PDE1A: variants seen among roughly 807,000 people sequenced by gnomAD.
The protein encoded by PDE1A is dual specificity calcium/calmodulin-dependent 3',5'-cyclic nucleotide phosphodiesterase 1A.
PDE1A carries 35 observed loss-of-function variants against 61.7 expected under a neutral mutation model. That is an observed-to-expected ratio of 0.57 (90% CI 0.43 to 0.75). PDE1A has a LOEUF of 0.75. Ranked by LOEUF, PDE1A falls within the 30% of genes least tolerant of loss-of-function variation. The pLI, the probability that PDE1A is intolerant of heterozygous loss-of-function variation, is 0.00. For synonymous variants in PDE1A, 232 were observed against 213.2 expected, an observed-to-expected ratio of 1.09 and a Z score of -0.77; for missense variants, 597 against 630.6, an observed-to-expected ratio of 0.95 and a Z score of 0.57.
chr2:182,518,506 T>C (rs533582546), intron 2 of PDE1A, among the ~76,000 whole-genome samples: 159 of 152,302 alleles, frequency 1.0e-3, no homozygotes, highest in African/African-American at 3.6e-3. Context: ...GCATTCACAA[T>C]TCCAAGTCTT....
At chr2:182,290,291 C>T (rs1288020425) in intron 1 of PDE1A, among the ~76,000 whole-genome samples, 2 of 151,938 alleles carry the variant, frequency 1.3e-5, no homozygotes, top group Admixed American at 1.3e-4. Context: ...TGTTTGTATG[C>T]ATCTTCTGGG....
At chr2:182,175,323 C>A (rs941892399) in intron 13 of PDE1A, among the ~76,000 whole-genome samples, 2 of 152,196 alleles carry the variant, frequency 1.3e-5, no homozygotes, top group Non-Finnish European at 2.9e-5. Flanking sequence ...ATTCCTATTT[C>A]TCCACATCCT....
At chr2:182,279,925 T>C (rs1693690165) in intron 1 of PDE1A, among the ~76,000 whole-genome samples, 1 of 151,908 alleles carries the variant, frequency 6.6e-6, no homozygotes, top group Non-Finnish European at 1.5e-5. Flanking sequence ...GGTTTATTGA[T>C]ACTGGATACC....
intron 1 of PDE1A, among the ~76,000 whole-genome samples, chr2:182,282,358 G>A: frequency 6.6e-6 from 1 of 151,862 alleles, no homozygotes; most frequent in Non-Finnish European, 1.5e-5. Context: ...AGTGACCTGG[G>A]TCCTCTGATG....
At chr2:182,692,530 G>T in the PDE1A span, among the ~76,000 whole-genome samples, 1 of 151,762 alleles carries the variant, frequency 6.6e-6, no homozygotes, top group South Asian at 2.1e-4. Context: ...GGGGTGGGGG[G>T]AGTGGGTAGG....
chr2:182,429,047 T>C (rs1449572730), upstream of PDE1A, among the ~76,000 whole-genome samples: 1 of 152,102 alleles, frequency 6.6e-6, no homozygotes, highest in Admixed American at 6.6e-5. Flanking sequence ...CATACTTCAT[T>C]ACCTTAGGTT....
intron 3 of PDE1A, 28 bp downstream of exon 3, chr2:182,240,082 G>C (rs529597971): frequency 6.3e-7 from 1 of 1,597,244 alleles, no homozygotes; most frequent in African/African-American, 1.3e-5. Context: ...AAATGTTACT[G>C]TCTTGAGATA....
chr2:182,296,510 C>T (rs550935481), intron 1 of PDE1A, among the ~76,000 whole-genome samples: 7 of 152,134 alleles, frequency 4.6e-5, no homozygotes, highest in African/African-American at 1.4e-4. Flanking sequence ...GTATAGATAC[C>T]GATATAGATA....
chr2:182,503,939 T>A (rs1165804059), intron 2 of PDE1A, among the ~76,000 whole-genome samples: 1 of 152,192 alleles, frequency 6.6e-6, no homozygotes, highest in Non-Finnish European at 1.5e-5. Context: ...TAAGTTGTAT[T>A]AATAAGTCAA....
the PDE1A span, among the ~76,000 whole-genome samples, chr2:182,674,865 C>T: frequency 6.6e-6 from 1 of 152,052 alleles, no homozygotes; most frequent in African/African-American, 2.4e-5. Context: ...TGTATTCAAG[C>T]AATGTTAATC....
chr2:182,671,338 A>ATTTTTTTTTTTTTT, the PDE1A span, among the ~76,000 whole-genome samples: 27 of 75,230 alleles, frequency 3.6e-4, no homozygotes, highest in African/African-American at 6.9e-4. Context: ...CGACTGGCTA[A>ATTTTTTTTTTTTTT]TTTTTTTTTT....
At chr2:182,617,813 T>C in the PDE1A span, among the ~76,000 whole-genome samples, 1 of 152,210 alleles carries the variant, frequency 6.6e-6, no homozygotes, top group South Asian at 2.1e-4. Flanking sequence ...AATGTACTTT[T>C]CTCAGGTGTC....
chr2:182,279,858 T>A (rs2125846581), intron 1 of PDE1A, among the ~76,000 whole-genome samples: 1 of 152,036 alleles, frequency 6.6e-6, no homozygotes, highest in Non-Finnish European at 1.5e-5. Context: ...CTTTGATTGT[T>A]TTTTTCTGGG....
At chr2:182,147,265 T>C in intron 13 of PDE1A, 113 bp from the exon 14 acceptor site, 2 of 550,030 alleles carry the variant, frequency 3.6e-6, no homozygotes, top group Non-Finnish European at 6.3e-6. Context: ...AATTTTACAA[T>C]GGATTTTGTG....
the PDE1A span, among the ~76,000 whole-genome samples, chr2:182,593,296 T>C: frequency 6.6e-6 from 1 of 152,250 alleles, no homozygotes; most frequent in Non-Finnish European, 1.5e-5. Context: ...ACCTAGGGAT[T>C]AAACTGGGCA....
the PDE1A span, among the ~76,000 whole-genome samples, chr2:182,605,024 C>A: frequency 7.4e-6 from 1 of 134,910 alleles, no homozygotes; most frequent in Non-Finnish European, 1.6e-5. Context: ...TGGGTGGGGG[C>A]CTGAGGGGAG....
intron 2 of PDE1A, among the ~76,000 whole-genome samples, chr2:182,242,661 C>T (rs1465763295): frequency 6.6e-6 from 1 of 152,162 alleles, no homozygotes; most frequent in Admixed American, 6.5e-5. Flanking sequence ...TAAGCCTCAT[C>T]TAATCAGTTG....
the PDE1A span, among the ~76,000 whole-genome samples, chr2:182,714,478 A>G: frequency 6.6e-6 from 1 of 152,144 alleles, no homozygotes; most frequent in Non-Finnish European, 1.5e-5. Flanking sequence ...ACAGATCTTC[A>G]TTCAGTGGGT....
intron 2 of PDE1A, among the ~76,000 whole-genome samples, chr2:182,437,393 T>G (rs1385466282): frequency 1.3e-5 from 2 of 151,944 alleles, no homozygotes; most frequent in African/African-American, 2.4e-5. Context: ...CTACCTTTTC[T>G]CTAAATCACT....
Sources: gnomAD v4.1 joint callset for allele counts (sites outside exome capture counted in the v4.1 genomes callset) on GRCh38, gnomAD v4.1.1 for gene constraint, MANE v1.5 for transcripts, NCBI Gene and HGNC (gene_info 2026-07-23, HGNC 2026-07-21) for gene names.